The following SAMD5 variants were observed in gnomAD, a reference collection of about 807,000 sequenced individuals.
SAMD5 encodes the protein sterile alpha motif domain containing 5, also known as sterile alpha motif domain-containing protein 5.
A neutral mutation model predicts 11.3 loss-of-function variants in SAMD5; 13 were observed. That is an observed-to-expected ratio of 1.15 (90% CI 0.75 to 1.83). The LOEUF (loss-of-function observed/expected upper bound fraction) is 1.83. SAMD5 is among the 40% of genes most tolerant of loss of function. The pLI is 0.00. For missense variants in SAMD5, 255 were observed against 239.1 expected (o/e 1.07, Z -0.44); for synonymous variants, 129 against 111.3 (o/e 1.16, Z -1.00).
At chr6:147,593,955 C>T (rs844579) in intron 1 of SAMD5, among the ~76,000 whole-genome samples, 5,120 of 152,124 alleles carry the variant, frequency 0.034, 110 homozygotes, top group African/African-American at 0.047. Flanking sequence ...TGGTGAAACC[C>T]CGTCTGTACT....
At position 147,509,261 on chromosome 6, in the gene SAMD5, C is replaced by T. The variant is rs771852627; in HGVS notation, c.333C>T (p.Arg111=). ...CCCAGGGCACCCGCGGGGACTCTCG[C>T]GGCCACACGACCGCCCCCCGCAGCA... ...GPAQGTRGDS[R]GHTTAPRSRE... The change falls in exon 1 of 2, where the codon CGC becomes CGT. Residue 111 remains arginine (R), a synonymous_variant. Coordinates refer to ENST00000367474, the MANE Select transcript of SAMD5 (RefSeq NM_001030060.3). 3 of 1,541,026 alleles carry T rather than the reference C, an allele frequency of 1.9e-6. No individual in the cohort carries two copies. Among genetic ancestry groups the T allele is most frequent in the South Asian group, 1.2e-5 (1 of 83,026 alleles).
At chr6:147,839,936 G>A in the SAMD5 span, among the ~76,000 whole-genome samples, 1 of 152,174 alleles carries the variant, frequency 6.6e-6, no homozygotes, top group Non-Finnish European at 1.5e-5. Flanking sequence ...GGAAACAGAA[G>A]CTCAGAAATA....
At chr6:147,901,243 T>C in the SAMD5 span, among the ~76,000 whole-genome samples, 3 of 152,238 alleles carry the variant, frequency 2.0e-5, no homozygotes. Context: ...ACTTGGTAAA[T>C]GTTAGCTAAT....
chr6:147,850,243 AATG>A, the SAMD5 span, among the ~76,000 whole-genome samples: 1 of 152,198 alleles, frequency 6.6e-6, no homozygotes, highest in Admixed American at 6.5e-5. Context: ...GCGTTAATTA[AATG>A]ATAACATACC....
At chr6:147,765,739 C>T in the SAMD5 span, among the ~76,000 whole-genome samples, 1 of 152,088 alleles carries the variant, frequency 6.6e-6, no homozygotes, top group African/African-American at 2.4e-5. Context: ...CCAGAAAGGC[C>T]GTACAACAGA....
At chr6:147,612,478 C>A (rs569657565) in intron 1 of SAMD5, among the ~76,000 whole-genome samples, 3 of 152,154 alleles carry the variant, frequency 2.0e-5, no homozygotes, top group Non-Finnish European at 4.4e-5. Context: ...TCTGAAGGAT[C>A]AAGTCTACAC....
At chr6:147,906,570 C>T in the SAMD5 span, among the ~76,000 whole-genome samples, 2 of 152,160 alleles carry the variant, frequency 1.3e-5, no homozygotes, top group Admixed American at 6.5e-5. Context: ...TTGAAGAATG[C>T]CCTTTCCCTG....
chr6:147,619,715 A>G (rs1275404957), intron 1 of SAMD5, among the ~76,000 whole-genome samples: 1 of 152,200 alleles, frequency 6.6e-6, no homozygotes, highest in Non-Finnish European at 1.5e-5. Flanking sequence ...GGGCCTACAG[A>G]TAACTGTTGG....
chr6:147,828,826 G>A, the SAMD5 span, among the ~76,000 whole-genome samples: 1 of 152,128 alleles, frequency 6.6e-6, no homozygotes, highest in Admixed American at 6.5e-5. Flanking sequence ...GTGCAATTTG[G>A]GCCACTGAAG....
chr6:147,766,339 G>A, the SAMD5 span, among the ~76,000 whole-genome samples: 14 of 151,858 alleles, frequency 9.2e-5, no homozygotes, highest in Non-Finnish European at 8.8e-5. Flanking sequence ...CAAATTAAAT[G>A]GGCCCACCAA....
chr6:147,795,248 A>G, the SAMD5 span, among the ~76,000 whole-genome samples: 1,014 of 131,446 alleles, frequency 7.7e-3, 13 homozygotes, highest in African/African-American at 0.027. Flanking sequence ...CCAGAGTGTG[A>G]TGTTCCCCTT....
intron 1 of SAMD5, among the ~76,000 whole-genome samples, chr6:147,556,603 G>C (rs568553728): frequency 6.6e-6 from 1 of 152,278 alleles, no homozygotes; most frequent in African/African-American, 2.4e-5. Flanking sequence ...TTTCTGAGCT[G>C]TCATGAAATT....
At chr6:147,949,925 A>C in the SAMD5 span, among the ~76,000 whole-genome samples, 3 of 152,262 alleles carry the variant, frequency 2.0e-5, no homozygotes, top group African/African-American at 7.2e-5. Flanking sequence ...AATGCATTGT[A>C]ATTAATTTCT....
At chr6:147,638,778 T>A (rs1405127846) in intron 1 of SAMD5, among the ~76,000 whole-genome samples, 2 of 152,242 alleles carry the variant, frequency 1.3e-5, no homozygotes, top group African/African-American at 4.8e-5. Context: ...GTTTCAATAT[T>A]TTCTGTTTTA....
chr6:147,628,705 A>C (rs988505323), intron 1 of SAMD5, among the ~76,000 whole-genome samples: 2 of 152,146 alleles, frequency 1.3e-5, no homozygotes, highest in South Asian at 2.1e-4. Context: ...CCTCCCCTCC[A>C]AAAAAGGAAG....
intron 1 of SAMD5, among the ~76,000 whole-genome samples, chr6:147,619,395 A>T (rs1292742486): frequency 6.6e-6 from 1 of 152,190 alleles, no homozygotes; most frequent in Non-Finnish European, 1.5e-5. Context: ...ATCTTGAGAA[A>T]AACTTCCCGA....
At chr6:147,535,921 G>A (rs1788501572) in intron 1 of SAMD5, among the ~76,000 whole-genome samples, 2 of 152,088 alleles carry the variant, frequency 1.3e-5, no homozygotes, top group South Asian at 4.1e-4. Flanking sequence ...AATTGGCTCT[G>A]TAAGTCAACT....
At chr6:147,855,329 T>G in the SAMD5 span, among the ~76,000 whole-genome samples, 9,680 of 152,180 alleles carry the variant, frequency 0.064, 406 homozygotes, top group African/African-American at 0.11. Context: ...ATATTTTGCT[T>G]ACAGAAGATA....
At chr6:147,620,511 T>C (rs142207104) in intron 1 of SAMD5, among the ~76,000 whole-genome samples, 6 of 152,292 alleles carry the variant, frequency 3.9e-5, no homozygotes, top group East Asian at 1.9e-4. Context: ...TTTACAGCAG[T>C]GAAGGAGATA....
Sources: gnomAD v4.1 joint callset for allele counts (sites outside exome capture counted in the v4.1 genomes callset) on GRCh38, gnomAD v4.1.1 for gene constraint, MANE v1.5 for transcripts, NCBI Gene and HGNC (gene_info 2026-07-23, HGNC 2026-07-21) for gene names.